HTT-AS: variants seen among roughly 807,000 people sequenced by gnomAD.
HTT-AS encodes the protein HTT antisense RNA.
intron 2 of HTT-AS, among the ~76,000 whole-genome samples, chr4:3,053,870 C>T (rs1251444776): frequency 1.3e-5 from 2 of 151,852 alleles, no homozygotes; most frequent in African/African-American, 2.4e-5. Flanking sequence ...AGCAATTCTC[C>T]TGCCTCAGCC....
chr4:3,047,355 G>C (rs1418673354), downstream of HTT-AS, among the ~76,000 whole-genome samples: 1 of 152,004 alleles, frequency 6.6e-6, no homozygotes, highest in Non-Finnish European at 1.5e-5. Context: ...AAAAAGAATA[G>C]TTATACTAGA....
intron 1 of HTT-AS, among the ~76,000 whole-genome samples, chr4:3,074,146 T>A (rs1422651166): frequency 3.6e-5 from 4 of 109,628 alleles, no homozygotes; most frequent in African/African-American, 1.4e-4. Context: ...CACCGGCCAG[T>A]CCCCTCCCCT....
At chr4:3,066,048 T>A (rs530540296) in intron 1 of HTT-AS, among the ~76,000 whole-genome samples, 1 of 152,094 alleles carries the variant, frequency 6.6e-6, no homozygotes, top group Non-Finnish European at 1.5e-5. Context: ...ATTAACAGAG[T>A]AAGCAGCTTT....
intron 2 of HTT-AS, among the ~76,000 whole-genome samples, chr4:3,051,223 G>C (rs1424146566): frequency 6.6e-6 from 1 of 152,170 alleles, no homozygotes; most frequent in East Asian, 1.9e-4. Flanking sequence ...GTGCCACCAT[G>C]CCCAGCTAAT....
At chr4:3,047,190 A>G (rs1236573570), downstream of HTT-AS, among the ~76,000 whole-genome samples, 2 of 152,134 alleles carry the variant, frequency 1.3e-5, no homozygotes, top group Admixed American at 1.3e-4. Flanking sequence ...GTGCACCTGT[A>G]GTCCCAGCTA....
At chr4:3,051,164 C>G (rs1247761205) in intron 2 of HTT-AS, among the ~76,000 whole-genome samples, 2 of 151,616 alleles carry the variant, frequency 1.3e-5, no homozygotes, top group African/African-American at 4.8e-5. Context: ...CTCCCAGGTT[C>G]AAGTAATTCT....
chr4:3,046,371 G>A (rs1414238742), downstream of HTT-AS, among the ~76,000 whole-genome samples: 1 of 152,238 alleles, frequency 6.6e-6, no homozygotes, highest in Non-Finnish European at 1.5e-5. Context: ...GTGTACGAGT[G>A]AAGTACGGCT....
downstream of HTT-AS, among the ~76,000 whole-genome samples, chr4:3,047,636 AG>A (rs1711617247): frequency 6.6e-6 from 1 of 152,202 alleles, no homozygotes; most frequent in South Asian, 2.1e-4. Flanking sequence ...CGACCAGGGA[AG>A]GGAGTCTCCC....
chr4:3,058,489 C>T (rs1374703629), intron 2 of HTT-AS, among the ~76,000 whole-genome samples: 1 of 152,192 alleles, frequency 6.6e-6, no homozygotes, highest in Non-Finnish European at 1.5e-5. Context: ...TCATTGCCAT[C>T]TTGGTTTTGG....
intron 1 of HTT-AS, chr4:3,074,349 T>C (rs192641280): frequency 0.03 from 2,040 of 68,016 alleles, 60 homozygotes; most frequent in African/African-American, 0.11. Context: ...TCGCCACGCC[T>C]CCCTTACCAT....
exon 3 of HTT-AS, among the ~76,000 whole-genome samples, chr4:3,049,286 T>C (rs1165067580): frequency 6.6e-6 from 1 of 152,088 alleles, no homozygotes; most frequent in Non-Finnish European, 1.5e-5. Context: ...TAGCTTGGTG[T>C]GGTGGCAGGC....
intron 2 of HTT-AS, among the ~76,000 whole-genome samples, chr4:3,052,673 G>A (rs541736426): frequency 6.6e-6 from 1 of 151,956 alleles, no homozygotes. Context: ...TTTTTTGGGG[G>A]GGATCCAGGA....
chr4:3,070,602 T>G (rs1413405018), intron 1 of HTT-AS, among the ~76,000 whole-genome samples: 1 of 152,280 alleles, frequency 6.6e-6, no homozygotes, highest in East Asian at 1.9e-4. Flanking sequence ...CTCTTCTGTG[T>G]ATGTGTACGC....
chr4:3,048,014 C>T (rs1311481500), downstream of HTT-AS, among the ~76,000 whole-genome samples: 1 of 152,198 alleles, frequency 6.6e-6, no homozygotes, highest in East Asian at 1.9e-4. Flanking sequence ...GACTCACACT[C>T]CTTACCCTGC....
intron 1 of HTT-AS, among the ~76,000 whole-genome samples, chr4:3,068,657 T>C (rs1203096137): frequency 8.4e-5 from 11 of 131,734 alleles, no homozygotes; most frequent in East Asian, 3.9e-4. Context: ...GTGTAGCTTT[T>C]TTTTTTTTTT....
upstream of HTT-AS, chr4:3,074,558 G>A: frequency 2.9e-6 from 1 of 347,496 alleles, no homozygotes; most frequent in Non-Finnish European, 5.0e-6. Flanking sequence ...CTGGTTCCCT[G>A]GCCAGCCATT....
chr4:3,065,510 C>T (rs188791148), intron 1 of HTT-AS, among the ~76,000 whole-genome samples: 33 of 152,272 alleles, frequency 2.2e-4, no homozygotes, highest in Admixed American at 5.2e-4. Context: ...AGCCACCACG[C>T]CAGCCCAACT....
At chr4:3,052,628 G>A (rs764820005) in intron 2 of HTT-AS, among the ~76,000 whole-genome samples, 4 of 152,122 alleles carry the variant, frequency 2.6e-5, no homozygotes, top group Non-Finnish European at 4.4e-5. Flanking sequence ...TATACTTTAG[G>A]GATGTCTAAT....
At chr4:3,065,564 T>G (rs759134701) in intron 1 of HTT-AS, among the ~76,000 whole-genome samples, 1 of 152,208 alleles carries the variant, frequency 6.6e-6, no homozygotes, top group Non-Finnish European at 1.5e-5. Context: ...TGACTTACTA[T>G]GGGGTTACCT....
Sources: gnomAD v4.1 joint callset for allele counts (sites outside exome capture counted in the v4.1 genomes callset) on GRCh38, gnomAD v4.1.1 for gene constraint, MANE v1.5 for transcripts, NCBI Gene and HGNC (gene_info 2026-07-23, HGNC 2026-07-21) for gene names.